ADGRB3: variants seen among roughly 807,000 people sequenced by gnomAD.
ADGRB3 encodes the protein brain-specific angiogenesis inhibitor 3.
ADGRB3 carries 37 observed loss-of-function variants against 193.4 expected under a neutral mutation model. The observed-to-expected ratio is 0.19, with a 90% CI of 0.15 to 0.25. ADGRB3 has a LOEUF of 0.25. Ranked by LOEUF, ADGRB3 falls within the 10% of genes least tolerant of loss-of-function variation. ADGRB3 has a pLI of 1.00. For missense variants in ADGRB3, 1,637 were observed against 1,852.9 expected, an observed-to-expected ratio of 0.88 and a Z score of 2.14; for synonymous variants, 690 against 644.2, an observed-to-expected ratio of 1.07 and a Z score of -1.08.
chr6:68,939,862 A>G (rs568176247), intron 5 of ADGRB3, among the ~76,000 whole-genome samples: 19 of 152,172 alleles, frequency 1.2e-4, no homozygotes, highest in Non-Finnish European at 2.6e-4. Context: ...CATTTTGGAC[A>G]CTCAAATGTA....
chr6:68,648,305 G>A (rs561602284), intron 3 of ADGRB3, among the ~76,000 whole-genome samples: 80 of 152,098 alleles, frequency 5.3e-4, no homozygotes, highest in Non-Finnish European at 9.4e-4. Context: ...ACACAATGAT[G>A]ATGCCTGAGG....
intron 3 of ADGRB3, among the ~76,000 whole-genome samples, chr6:68,720,626 G>A (rs1222686729): frequency 6.6e-6 from 1 of 151,648 alleles, no homozygotes; most frequent in Non-Finnish European, 1.5e-5. Context: ...AAAACCAAGT[G>A]CATTCTTTGC....
intron 26 of ADGRB3, among the ~76,000 whole-genome samples, chr6:69,344,103 G>GA: frequency 6.6e-6 from 1 of 152,106 alleles, no homozygotes; most frequent in Non-Finnish European, 1.5e-5. Flanking sequence ...GTCAGAGGGG[G>GA]AAAATCACAA....
rs1768029799 is a variant in ADGRB3 at position 68,639,445 on chromosome 6, G to T, written c.757+13G>T. ...CCACCCAAAGAAGGTAAGTGCCAAAGAGAGGGGAAGGTGAGCGGGGGAGCA... is the reference window on the plus strand; with the variant it reads ...CCACCCAAAGAAGGTAAGTGCCAAATAGAGGGGAAGGTGAGCGGGGGAGCA... On this transcript the variant is annotated intron_variant, in intron 3 of 31. Transcript: ENST00000370598. 2 of 1,588,788 alleles carry T rather than the reference G, an allele frequency of 1.3e-6. No homozygotes were observed. Among genetic ancestry groups the T allele is most frequent in the Middle Eastern group, 1.7e-4 (1 of 5,874 alleles).
chr6:69,287,491 A>C (rs941244881), intron 20 of ADGRB3, among the ~76,000 whole-genome samples: 7 of 152,348 alleles, frequency 4.6e-5, no homozygotes, highest in Admixed American at 1.3e-4. Context: ...AGGAAAAAAA[A>C]CAAACTGAAT....
chr6:68,904,727 G>A (rs1296541765), intron 3 of ADGRB3, among the ~76,000 whole-genome samples: 2 of 152,084 alleles, frequency 1.3e-5, no homozygotes, highest in South Asian at 4.1e-4. Flanking sequence ...TAGATACTTA[G>A]GTTGTTTCCA....
At chr6:68,638,332 C>A (rs1768002812) in intron 2 of ADGRB3, among the ~76,000 whole-genome samples, 1 of 152,168 alleles carries the variant, frequency 6.6e-6, no homozygotes, top group African/African-American at 2.4e-5. Context: ...TTTAAAACTC[C>A]ATGTTTTCCC....
At chr6:69,283,839 G>A (rs899706934) in intron 20 of ADGRB3, among the ~76,000 whole-genome samples, 10 of 152,144 alleles carry the variant, frequency 6.6e-5, no homozygotes, top group African/African-American at 2.4e-4. Flanking sequence ...GAACTGTGAT[G>A]CTAACAGAAC....
chr6:68,957,905 AG>A (rs1386065540), intron 8 of ADGRB3, among the ~76,000 whole-genome samples: 1 of 152,162 alleles, frequency 6.6e-6, no homozygotes, highest in Non-Finnish European at 1.5e-5. Context: ...GGCTTAAAAA[AG>A]ATCGAAAATT....
rs1360202673 is a variant in ADGRB3, at chr6:68,993,782, T to A, written c.1749T>A (p.Leu583=). Residue 583 remains leucine, a synonymous_variant, in exon 11 of 32, where the codon CTT becomes CTA. Coordinates refer to ENST00000370598, the MANE Select transcript of ADGRB3 (RefSeq NM_001704.3). ...RHLQHSIKEH[L]AKGQRMLAGD... The stretch of plus-strand genomic sequence containing the variant: ...GACCATCACAGATTAAAGAGCACCT[T>A]GCTAAGGGGCAGCGAATGCTGGCAG... The A allele has an allele frequency of 6.2e-7, 1 of 1,613,620 alleles. No homozygotes were observed. The highest frequency in any genetic ancestry group is 1.1e-5 in the South Asian group (1 of 91,036).
intron 3 of ADGRB3, among the ~76,000 whole-genome samples, chr6:68,778,251 G>C (rs1164933099): frequency 6.6e-6 from 1 of 152,004 alleles, no homozygotes; most frequent in Non-Finnish European, 1.5e-5. Flanking sequence ...TCTAGTACAT[G>C]GTGAAGGCTG....
At chr6:68,856,376 C>T (rs1452608809) in intron 3 of ADGRB3, among the ~76,000 whole-genome samples, 2 of 152,150 alleles carry the variant, frequency 1.3e-5, no homozygotes, top group African/African-American at 2.4e-5. Flanking sequence ...AAGTTTGGAA[C>T]TCCCTAGAGA....
intron 26 of ADGRB3, among the ~76,000 whole-genome samples, chr6:69,347,715 G>A (rs956013436): frequency 3.3e-5 from 5 of 151,964 alleles, no homozygotes; most frequent in Non-Finnish European, 7.4e-5. Flanking sequence ...AGCTCAGGAG[G>A]TCAAGACTGC....
rs542531452 is a variant in ADGRB3, at chr6:68,942,615, A to AT, written c.1031-1204dup. ...GCAGGGAAGGGATCAAACACTGAAT[A>AT]TTTTTTTTTTTGGAAGATGGAGTCT... On this transcript the variant is annotated intron_variant, in intron 5 of 31. Coordinates refer to ENST00000370598, the MANE Select transcript of ADGRB3 (RefSeq NM_001704.3). Among the ~76,000 whole-genome samples the AT allele has an allele frequency of 1.5e-3, 218 of 147,784 alleles. 3 individuals are homozygous for AT. In the South Asian group the frequency reaches 0.024, roughly 16 times the overall value.
At chr6:68,953,739 A>T (rs1355461614) in intron 6 of ADGRB3, among the ~76,000 whole-genome samples, 1 of 152,236 alleles carries the variant, frequency 6.6e-6, no homozygotes, top group East Asian at 1.9e-4. Context: ...GGGTTTATTA[A>T]GTACAGCTGG....
Position 68,639,439 on chromosome 6 carries a change from G to A in ADGRB3, c.757+7G>A. ...AAGCGACCACCCAAAGAAGGTAAGT[G>A]CCAAAGAGAGGGGAAGGTGAGCGGG... On this transcript the variant is annotated splice_region_variant and intron_variant, in intron 3 of 31. Coordinates refer to ENST00000370598, the MANE Select transcript of ADGRB3 (RefSeq NM_001704.3). The A allele has an allele frequency of 1.9e-6, 3 of 1,592,428 alleles. No homozygotes were observed. The South Asian group carries it at 3.4e-5, about 18-fold the overall frequency.
intron 20 of ADGRB3, among the ~76,000 whole-genome samples, chr6:69,270,956 A>G (rs1003369842): frequency 6.6e-6 from 1 of 152,174 alleles, no homozygotes; most frequent in African/African-American, 2.4e-5. Context: ...GTAGTATGAC[A>G]ATGTGCTTTT....
At chr6:69,012,164 G>A (rs537832565) in intron 11 of ADGRB3, among the ~76,000 whole-genome samples, 2 of 152,108 alleles carry the variant, frequency 1.3e-5, no homozygotes, top group African/African-American at 2.4e-5. Flanking sequence ...AGGAGTCACC[G>A]ACCCACTGTC....
At position 68,893,961 on chromosome 6, in the gene ADGRB3, C is replaced by T. The variant is rs150605381; in HGVS notation, c.758-36598C>T. Among the ~76,000 whole-genome samples, 342 of 151,878 alleles carry T rather than the reference C, an allele frequency of 2.3e-3. 1 individual carries two copies. The highest frequency in any genetic ancestry group is 8.0e-3 in the African/African-American group (331 of 41,516). ...AAAAGCATAAAATTTCTTAAATGAG[C>T]ATAGATGATATATGTATCAATAACA... On this transcript the variant is annotated intron_variant, in intron 3 of 31. Transcript: ENST00000370598.
Sources: allele counts gnomAD v4.1 joint callset (sites outside exome capture counted in the v4.1 genomes callset), GRCh38; gene constraint gnomAD v4.1.1; transcripts MANE v1.5; gene names NCBI Gene and HGNC (gene_info 2026-07-23, HGNC 2026-07-21).